Variants in ESRRB observed in about 807,000 individuals in gnomAD.
ESRRB encodes steroid hormone receptor ERR2.
Under a neutral mutation model 46.0 loss-of-function variants are expected in ESRRB, and 16 were observed. The ratio of observed to expected loss-of-function variants is 0.35; its 90% confidence interval spans 0.24 to 0.53. The LOEUF (loss-of-function observed/expected upper bound fraction) is 0.53. ESRRB is among the 20% of genes least tolerant of loss of function. ESRRB has a pLI of 0.93. For synonymous variants in ESRRB, 246 were observed against 259.6 expected (o/e 0.95, Z 0.50); for missense variants, 488 against 607.4 (o/e 0.80, Z 2.07).
At chr14:76,459,644 T>A (rs1888770196) in intron 2 of ESRRB, among the ~76,000 whole-genome samples, 1 of 152,186 alleles carries the variant, frequency 6.6e-6, no homozygotes, top group South Asian at 2.1e-4. Context: ...TCATATGTGT[T>A]TTTCTCCTTT....
intron 2 of ESRRB, among the ~76,000 whole-genome samples, chr14:76,454,378 G>C (rs1160454703): frequency 6.6e-6 from 1 of 152,210 alleles, no homozygotes; most frequent in Non-Finnish European, 1.5e-5. Context: ...GTTCAGAAGG[G>C]AGGCCCACAG....
upstream of ESRRB, among the ~76,000 whole-genome samples, chr14:76,375,005 A>G (rs1270315116): frequency 2.6e-5 from 4 of 152,104 alleles, no homozygotes; most frequent in Admixed American, 6.5e-5. Flanking sequence ...GTGCTTGAAC[A>G]TTGCCTGCAG....
intron 1 of ESRRB, among the ~76,000 whole-genome samples, chr14:76,321,545 C>T (rs11626036): frequency 1.3e-5 from 2 of 152,170 alleles, no homozygotes; most frequent in Non-Finnish European, 2.9e-5. Context: ...TACCCTTACC[C>T]GATACCTAAT....
chr14:76,430,396 T>C (rs1887389938), intron 1 of ESRRB, among the ~76,000 whole-genome samples: 2 of 152,190 alleles, frequency 1.3e-5, no homozygotes. Flanking sequence ...TTTATCCTCT[T>C]AATTTGCCCA....
intron 1 of ESRRB, among the ~76,000 whole-genome samples, chr14:76,345,301 G>A (rs1417026338): frequency 6.6e-6 from 1 of 152,094 alleles, no homozygotes; most frequent in Non-Finnish European, 1.5e-5. Flanking sequence ...ATCTGACAAA[G>A]GACTAATATC....
chr14:76,429,116 A>G (rs567489616), intron 1 of ESRRB, among the ~76,000 whole-genome samples: 4 of 152,176 alleles, frequency 2.6e-5, no homozygotes, highest in South Asian at 2.1e-4. Context: ...CAACATGGAC[A>G]TAGAGGGTAT....
intron 1 of ESRRB, among the ~76,000 whole-genome samples, chr14:76,420,558 A>AGAGTGT (rs1886898174): frequency 7.0e-6 from 1 of 142,364 alleles, no homozygotes; most frequent in African/African-American, 2.6e-5. Flanking sequence ...ACAGGGTGTG[A>AGAGTGT]GTGTGTGTGT....
At chr14:76,337,120 G>A (rs11623829) in intron 1 of ESRRB, among the ~76,000 whole-genome samples, 50,025 of 151,972 alleles carry the variant, frequency 0.33, 8,996 homozygotes, top group Middle Eastern at 0.44. Context: ...AGTGGCTGGC[G>A]TGGCGTGGAT....
chr14:76,361,635 G>A (rs1266027089), intron 1 of ESRRB, among the ~76,000 whole-genome samples: 1 of 152,182 alleles, frequency 6.6e-6, no homozygotes, highest in African/African-American at 2.4e-5. Flanking sequence ...CCTGTTGAAG[G>A]ACTCAAGTAA....
intron 1 of ESRRB, among the ~76,000 whole-genome samples, chr14:76,427,359 G>T (rs150626417): frequency 1.3e-5 from 2 of 150,126 alleles, no homozygotes; most frequent in South Asian, 4.3e-4. Flanking sequence ...GTGTGTGTGT[G>T]TATGTGTGTG....
intron 1 of ESRRB, among the ~76,000 whole-genome samples, chr14:76,358,488 G>A (rs1028645845): frequency 3.3e-5 from 5 of 152,094 alleles, no homozygotes; most frequent in Non-Finnish European, 5.9e-5. Flanking sequence ...CTGGGGTGCT[G>A]CAGGGTTTGA....
chr14:76,409,333 T>C (rs1241673032), intron 1 of ESRRB, among the ~76,000 whole-genome samples: 1 of 151,066 alleles, frequency 6.6e-6, no homozygotes, highest in East Asian at 2.0e-4. Context: ...TGGGAAGGAG[T>C]TGGAGGGTGG....
At chr14:76,480,145 C>T (rs1242620639) in intron 3 of ESRRB, among the ~76,000 whole-genome samples, 1 of 152,210 alleles carries the variant, frequency 6.6e-6, no homozygotes, top group East Asian at 1.9e-4. Flanking sequence ...AGGGGTGAGC[C>T]ACCGCACCTG....
At chr14:76,388,248 G>A (rs1156678851) in intron 1 of ESRRB, among the ~76,000 whole-genome samples, 1 of 144,570 alleles carries the variant, frequency 6.9e-6, no homozygotes, top group Non-Finnish European at 1.5e-5. Context: ...GCGCAATCTC[G>A]GCTCACTGCG....
Position 76,498,384 on chromosome 14 carries a change from T to G in ESRRB, c.1291T>G (p.Phe431Val), listed in dbSNP as rs1454814789. Residue 431 changes from phenylalanine (F) to valine (V), a missense_variant, in exon 7 of 7, where the codon TTC (phenylalanine) becomes GTC (valine). By Grantham distance (50) the Phe-to-Val change is conservative (BLOSUM62 -1). Transcript: ENST00000644823. ...GACGGCCGCCAAGGCCGTGCAGCAC[T>G]TCTATAGCGTCAAACTGCAGGGCAA... Reference protein sequence around the residue: ...RQTAAKAVQHFYSVKLQGKVP... With the variant: ...RQTAAKAVQHVYSVKLQGKVP... The G allele has an allele frequency of 6.2e-7, 1 of 1,613,342 alleles. No individual in the cohort carries two copies. Among genetic ancestry groups the G allele is most frequent in the Non-Finnish European group, 8.5e-7 (1 of 1,179,936 alleles).
chr14:76,370,240 A>AAC (rs1884590313), upstream of ESRRB, among the ~76,000 whole-genome samples: 17 of 148,720 alleles, frequency 1.1e-4, no homozygotes, highest in South Asian at 3.6e-3. Flanking sequence ...AAAAAAAAAA[A>AAC]CACAAAAGTT....
intron 5 of ESRRB, among the ~76,000 whole-genome samples, chr14:76,486,368 G>A (rs377050392): frequency 2.6e-5 from 4 of 152,230 alleles, no homozygotes; most frequent in African/African-American, 9.6e-5. Context: ...GTCCCTCAGC[G>A]GCACTGCTCC....
upstream of ESRRB, among the ~76,000 whole-genome samples, chr14:76,372,593 A>G (rs1442708212): frequency 6.6e-6 from 1 of 151,874 alleles, no homozygotes; most frequent in Non-Finnish European, 1.5e-5. Context: ...GCACTTTGGG[A>G]GGCCAACTCA....
Position 76,355,040 on chromosome 14 carries a change from G to T in ESRRB, c.2+44124G>T, listed in dbSNP as rs574371025. On this transcript the variant is annotated intron_variant, in intron 1 of 6. Coordinates refer to the ESRRB transcript ENST00000512784. Reference sequence around the variant, plus strand: ...CTGGGCTTTATCTGCACGGGCCAAGGAGGAGAGAATTTGAAATCCGTGTTT... The same window carrying T: ...CTGGGCTTTATCTGCACGGGCCAAGTAGGAGAGAATTTGAAATCCGTGTTT... 9.0e-4 allele frequency among the ~76,000 whole-genome samples: 137 copies of T among 152,096 alleles called. 1 individual carries two copies. Among genetic ancestry groups the T allele is most frequent in the Non-Finnish European group, 1.4e-3 (95 of 68,008 alleles).
Sources: gnomAD v4.1 joint callset for allele counts (sites outside exome capture counted in the v4.1 genomes callset) on GRCh38, gnomAD v4.1.1 for gene constraint, MANE v1.5 for transcripts, NCBI Gene and HGNC (gene_info 2026-07-23, HGNC 2026-07-21) for gene names.